Variants in SMOC2 observed in about 807,000 individuals in gnomAD.
SMOC2 encodes SPARC-related modular calcium-binding protein 2.
SMOC2 carries 39 observed loss-of-function variants against 61.4 expected under a neutral mutation model. The observed-to-expected ratio is 0.64, with a 90% CI of 0.49 to 0.83. The LOEUF (loss-of-function observed/expected upper bound fraction) is 0.83, where lower values mean the gene tolerates loss of function less well. Ranked by LOEUF, SMOC2 falls within the 40% of genes least tolerant of loss-of-function variation. The pLI, the probability that SMOC2 is intolerant of heterozygous loss-of-function variation, is 0.00. For missense variants in SMOC2, 556 were observed against 592.9 expected (o/e 0.94, Z 0.65); for synonymous variants, 247 against 239.9 (o/e 1.03, Z -0.27).
intron 3 of SMOC2, among the ~76,000 whole-genome samples, 175 bp downstream of exon 3, chr6:168,526,627 T>C (rs759846970): frequency 6.6e-6 from 1 of 152,208 alleles, no homozygotes; most frequent in Non-Finnish European, 1.5e-5. Context: ...CTACTTGGCA[T>C]AAATAGACAC....
chr6:168,664,135 T>G, intron 12 of SMOC2, 24 bp downstream of exon 12: 4 of 1,580,176 alleles, frequency 2.5e-6, no homozygotes, highest in Non-Finnish European at 3.5e-6. Flanking sequence ...TATTTTACTC[T>G]TAACCATTTC....
At chr6:168,499,818 A>T (rs2115040832) in intron 1 of SMOC2, among the ~76,000 whole-genome samples, 1 of 152,328 alleles carries the variant, frequency 6.6e-6, no homozygotes, top group African/African-American at 2.4e-5. Flanking sequence ...TCCCACGCTG[A>T]CCAGCAGTGC....
intron 4 of SMOC2, among the ~76,000 whole-genome samples, chr6:168,531,662 A>G (rs988563042): frequency 6.6e-6 from 1 of 152,350 alleles, no homozygotes; most frequent in Admixed American, 6.5e-5. Flanking sequence ...GCCACGCAGA[A>G]GTGCCAGCCA....
rs141761425 is a variant in SMOC2, at chr6:168,501,481, C to T, written c.85-8434C>T. ...CCAGGAACCTGCATCGTCCCTCCCTCGCCACGGGGCCAGGAACCTGCATCA... is the reference window on the plus strand; with the variant it reads ...CCAGGAACCTGCATCGTCCCTCCCTTGCCACGGGGCCAGGAACCTGCATCA... On this transcript the variant is annotated intron_variant, in intron 1 of 12. Coordinates refer to ENST00000356284, the MANE Select transcript of SMOC2 (RefSeq NM_001166412.2). 7.7e-4 allele frequency among the ~76,000 whole-genome samples: 117 copies of T among 152,008 alleles called. 1 individual carries two copies. The highest frequency in any genetic ancestry group is 2.7e-3 in the African/African-American group (111 of 41,498).
intron 7 of SMOC2, among the ~76,000 whole-genome samples, chr6:168,578,895 G>A (rs1400197687): frequency 6.6e-6 from 1 of 152,206 alleles, no homozygotes; most frequent in African/African-American, 2.4e-5. Context: ...GTGGTAAAAT[G>A]AAATGCAGCA....
intron 1 of SMOC2, among the ~76,000 whole-genome samples, chr6:168,464,548 A>T (rs1781786314): frequency 7.1e-6 from 1 of 140,342 alleles, no homozygotes; most frequent in Non-Finnish European, 1.5e-5. Context: ...TTTCATGAAT[A>T]TTCAATTAGG....
intron 7 of SMOC2, among the ~76,000 whole-genome samples, chr6:168,596,119 A>C (rs1583143683): frequency 1.3e-5 from 1 of 79,330 alleles, no homozygotes; most frequent in African/African-American, 4.6e-5. Flanking sequence ...CACGGCAGTG[A>C]TGAGTTTCCT....
At chr6:168,483,978 T>G (rs1448077925) in intron 1 of SMOC2, among the ~76,000 whole-genome samples, 1 of 152,168 alleles carries the variant, frequency 6.6e-6, no homozygotes, top group African/African-American at 2.4e-5. Context: ...GACCTAAAAC[T>G]GTGAAACTCC....
intron 9 of SMOC2, among the ~76,000 whole-genome samples, chr6:168,628,629 C>T (rs1041439601): frequency 1.3e-5 from 2 of 152,236 alleles, no homozygotes; most frequent in Non-Finnish European, 2.9e-5. Flanking sequence ...CCAATTCCTT[C>T]TCCTAAGTCC....
chr6:168,601,610 C>T (rs1444544029), intron 8 of SMOC2, among the ~76,000 whole-genome samples: 1 of 152,146 alleles, frequency 6.6e-6, no homozygotes, highest in Non-Finnish European at 1.5e-5. Flanking sequence ...GTTTACAGTG[C>T]ATATAAGTTG....
At chr6:168,606,818 A>G (rs16887196) in intron 8 of SMOC2, among the ~76,000 whole-genome samples, 6,000 of 152,086 alleles carry the variant, frequency 0.039, 400 homozygotes, top group African/African-American at 0.14. Context: ...TGGAGCCCCA[A>G]GACTGCACCT....
At chr6:168,482,463 C>T (rs1782227099) in intron 1 of SMOC2, among the ~76,000 whole-genome samples, 1 of 152,050 alleles carries the variant, frequency 6.6e-6, no homozygotes, top group Admixed American at 6.5e-5. Context: ...GACCTCACGG[C>T]TTCACTGGTG....
Position 168,475,714 on chromosome 6 carries a change from G to A in SMOC2, c.85-34201G>A, listed in dbSNP as rs938513034. Among the ~76,000 whole-genome samples the A allele has an allele frequency of 1.3e-5, 2 of 151,458 alleles. No homozygotes were observed. Among genetic ancestry groups the A allele is most frequent in the Admixed American group, 6.6e-5 (1 of 15,228 alleles). On this transcript the variant is annotated intron_variant, in intron 1 of 12. Transcript: ENST00000356284. The surrounding 1 kb of genome is among the most constrained non-coding windows in gnomAD (Gnocchi z 4.6). ...CCACGTGTGAGACCTGGTGTGGGTC[G>A]AGGACACTGCTCGGCGTTAGAAGAA...
rs377265266 is a variant in SMOC2 at position 168,530,229 on chromosome 6, C to T, written c.463+2502C>T. Among the ~76,000 whole-genome samples, 8 of 152,206 alleles carry T rather than the reference C, an allele frequency of 5.3e-5. No individual in the cohort carries two copies. In the East Asian group the frequency reaches 5.8e-4, roughly 11 times the overall value. On this transcript the variant is annotated intron_variant, in intron 4 of 12. Coordinates refer to ENST00000356284, the MANE Select transcript of SMOC2 (RefSeq NM_001166412.2). Reference sequence around the variant, plus strand: ...TGAGGCCAGCCACAGCGGAGGGAAACGGGGCTCCACTGACTGGCATGATTC... The same window carrying T: ...TGAGGCCAGCCACAGCGGAGGGAAATGGGGCTCCACTGACTGGCATGATTC...
intron 4 of SMOC2, among the ~76,000 whole-genome samples, chr6:168,538,007 C>T (rs1375399853): frequency 1.3e-5 from 2 of 151,896 alleles, no homozygotes; most frequent in African/African-American, 4.8e-5. Context: ...GGGGTGAGCT[C>T]TGCTGGAATC....
At chr6:168,474,614 T>G (rs1478653615) in intron 1 of SMOC2, among the ~76,000 whole-genome samples, 2 of 152,074 alleles carry the variant, frequency 1.3e-5, no homozygotes, top group African/African-American at 2.4e-5. Context: ...CACTGAAACC[T>G]CCGGAGACGT....
intron 7 of SMOC2, among the ~76,000 whole-genome samples, chr6:168,596,474 TAA>T (rs1217534774): frequency 7.4e-6 from 1 of 134,700 alleles, no homozygotes; most frequent in African/African-American, 3.1e-5. Context: ...ACGGCAGTGC[TAA>T]GTCTTCCAGG....
chr6:168,598,607 C>A (rs966267027), intron 7 of SMOC2, among the ~76,000 whole-genome samples: 12 of 152,286 alleles, frequency 7.9e-5, no homozygotes, highest in Non-Finnish European at 1.0e-4. Flanking sequence ...GTTGAGAGAT[C>A]CGTGATCACA....
In SMOC2 at chr6:168,624,662, GCACA is replaced by G. The variant is rs1243424111; in HGVS notation, c.907+16431_907+16434del. ...TACAAATTCACACACAGACACAGACGCACACACACACTGACATAAACACACATAG... is the reference window on the plus strand; with the variant it reads ...TACAAATTCACACACAGACACAGACGCACACACTGACATAAACACACATAG... On this transcript the variant is annotated intron_variant, in intron 9 of 12. Transcript: ENST00000356284. Among the ~76,000 whole-genome samples the G allele has an allele frequency of 4.1e-5, 6 of 144,594 alleles. No individual in the cohort carries two copies. The South Asian group carries it at 1.3e-3, about 32-fold the overall frequency. The allele number at this position is 144,594 out of a possible 152,430, so 94.9% of individuals were successfully genotyped here.
Sources: gnomAD v4.1 joint callset for allele counts (sites outside exome capture counted in the v4.1 genomes callset) on GRCh38, gnomAD v4.1.1 for gene constraint, Gnocchi (gnomAD v3.1) non-coding constraint, MANE v1.5 for transcripts, NCBI Gene and HGNC (gene_info 2026-07-23, HGNC 2026-07-21) for gene names.